The following TNFRSF1A variants were observed in gnomAD, a reference collection of about 807,000 sequenced individuals.
TNFRSF1A encodes TNF receptor superfamily member 1A.
TNFRSF1A carries 9 observed loss-of-function variants against 41.6 expected under a neutral mutation model. The observed-to-expected ratio is 0.22, with a 90% CI of 0.13 to 0.38. The LOEUF is 0.38. Ranked by LOEUF, TNFRSF1A falls within the 10% of genes least tolerant of loss-of-function variation. TNFRSF1A has a pLI of 1.00. For synonymous variants in TNFRSF1A, 254 were observed against 248.6 expected (o/e 1.02, Z -0.21); for missense variants, 463 against 591.5 (o/e 0.78, Z 2.25).
At chr12:6,330,114 C>T in intron 8 of TNFRSF1A, 48 bp from the exon 9 acceptor site, 8 of 1,612,492 alleles carry the variant, frequency 5.0e-6, no homozygotes, top group Admixed American at 3.3e-5. Flanking sequence ...CGAAAACCAG[C>T]CCCGGCCCTC....
chr12:6,329,616 T>C lies in TNFRSF1A; in HGVS notation c.1064A>G (p.Asp355Gly). ...AHKPQSLDTD[D>G]PATLYAVVEN... ...CACCACGGCGTACAGCGTCGCGGGG[T>C]CATCAGCTGCGGGGACGCGGGCCGG... Residue 355 changes from aspartate (D) to glycine (G), a missense_variant, in exon 10 of 10, where the codon GAC (aspartate) becomes GGC (glycine). Transcript: ENST00000162749. 2 of 1,593,732 alleles carry C rather than the reference T, an allele frequency of 1.3e-6. No homozygotes were observed. The highest frequency in any genetic ancestry group is 1.7e-6 in the Non-Finnish European group (2 of 1,174,338).
At chr12:6,339,538 A>G (rs1948161286) in intron 1 of TNFRSF1A, among the ~76,000 whole-genome samples, 1 of 152,070 alleles carries the variant, frequency 6.6e-6, no homozygotes, top group South Asian at 2.1e-4. Context: ...GAAGCTCCTG[A>G]ATTTTCTGGA....
rs4149629 is a variant in TNFRSF1A at position 6,337,074 on chromosome 12, C to A, written c.40-2830G>T. Among the ~76,000 whole-genome samples the A allele has an allele frequency of 2.0e-5, 3 of 152,216 alleles. No individual in the cohort carries two copies. Among genetic ancestry groups the A allele is most frequent in the Admixed American group, 6.5e-5 (1 of 15,286 alleles). On this transcript the variant is annotated intron_variant, in intron 1 of 9. Transcript: ENST00000162749. The surrounding 1 kb of genome is among the most constrained non-coding windows in gnomAD (Gnocchi z 4.6). The stretch of plus-strand genomic sequence containing the variant: ...CAAGAAGGGATGCCGGATGGAAGAA[C>A]CAGCCCTGCTTCCTAGGCTTCCCCT...
chr12:6,338,340 C>A (rs1279773850), intron 1 of TNFRSF1A, among the ~76,000 whole-genome samples: 1 of 152,104 alleles, frequency 6.6e-6, no homozygotes, highest in Non-Finnish European at 1.5e-5. Flanking sequence ...TGCGAGGCCT[C>A]CCCCTGTGAT....
In TNFRSF1A at chr12:6,334,904, G is replaced by A. The variant is rs1229448779; in HGVS notation, c.40-660C>T. Among the ~76,000 whole-genome samples the A allele has an allele frequency of 6.6e-6, 1 of 152,198 alleles. No homozygotes were observed. The highest frequency in any genetic ancestry group is 1.9e-4 in the East Asian group (1 of 5,198). On this transcript the variant is annotated intron_variant, in intron 1 of 9. Transcript: ENST00000162749. The surrounding 1 kb of genome is among the most constrained non-coding windows in gnomAD (Gnocchi z 5.1). ...GGAATTGGCAGGTTACTTCAGTGATGGCCCCTTCTTCCAACAAGCAGCCCT... is the reference window on the plus strand; with the variant it reads ...GGAATTGGCAGGTTACTTCAGTGATAGCCCCTTCTTCCAACAAGCAGCCCT...
rs776610155 is a variant in TNFRSF1A, at chr12:6,329,634, C to T, written c.1058-12G>A. The T allele has an allele frequency of 2.5e-6, 4 of 1,588,054 alleles. No individual in the cohort carries two copies. Among genetic ancestry groups the T allele is most frequent in the Non-Finnish European group, 3.4e-6 (4 of 1,170,278 alleles). ...CGCGGGGTCATCAGCTGCGGGGACGCGGGCCGGTGAGCCTCGGGCGGCAAC... is the reference window on the plus strand; with the variant it reads ...CGCGGGGTCATCAGCTGCGGGGACGTGGGCCGGTGAGCCTCGGGCGGCAAC... On this transcript the variant is annotated splice_polypyrimidine_tract_variant and intron_variant, in intron 9 of 9. Transcript: ENST00000162749.
Position 6,333,858 on chromosome 12 carries a change from G to A in TNFRSF1A, c.201C>T (p.Tyr67=). 1.2e-6 allele frequency: 2 copies of A among 1,602,320 alleles called. No homozygotes were observed. Among genetic ancestry groups the A allele is most frequent in the Non-Finnish European group, 1.7e-6 (2 of 1,173,876 alleles). Residue 67 remains tyrosine (Y), a synonymous_variant, in exon 3 of 10, where the codon TAC becomes TAT. Coordinates refer to ENST00000162749, the MANE Select transcript of TNFRSF1A (RefSeq NM_001065.4). The surrounding 1 kb of genome is among the most constrained non-coding windows in gnomAD (Gnocchi z 6.3). ...CCGGGCCTGGACAGTCATTGTACAAGTAGGTTCCTGTGAATGGGGCCGCAG... is the reference window on the plus strand; with the variant it reads ...CCGGGCCTGGACAGTCATTGTACAAATAGGTTCCTGTGAATGGGGCCGCAG... ...ICCTKCHKGT[Y]LYNDCPGPGQ... is the part of the protein sequence containing the mutation.
Position 6,333,352 on chromosome 12 carries a change from G to T in TNFRSF1A, c.472+15C>A, listed in dbSNP as rs746145597. 2 of 1,612,366 alleles carry T rather than the reference G, an allele frequency of 1.2e-6. No individual in the cohort carries two copies. Among genetic ancestry groups the T allele is most frequent in the Non-Finnish European group, 1.7e-6 (2 of 1,179,350 alleles). On this transcript the variant is annotated intron_variant, in intron 4 of 9. Transcript: ENST00000162749. The surrounding 1 kb of genome is among the most constrained non-coding windows in gnomAD (Gnocchi z 6.3). ...GGGTGGGGAGAGGGCTTGGCCTCAG[G>T]AGAGCTGCGCTCACAGGAGAGGTGC...
chr12:6,338,837 C>A (rs1948151861), intron 1 of TNFRSF1A, among the ~76,000 whole-genome samples: 1 of 152,110 alleles, frequency 6.6e-6, no homozygotes, highest in African/African-American at 2.4e-5. Context: ...GCTGTGTTGC[C>A]CAGGCTGGTC....
rs104895294 is a variant in TNFRSF1A at position 6,333,775 on chromosome 12, T to A, written c.284A>T (p.His95Leu). 1 of 1,577,444 alleles carries A rather than the reference T, an allele frequency of 6.3e-7. No homozygotes were observed. Among genetic ancestry groups the A allele is most frequent in the East Asian group, 2.3e-5 (1 of 43,102 alleles). ...ESGSFTASEN[H>L]LRHCLSCSKC... ...GGAGCAGCTGAGGCAGTGTCTGAGG[T>A]GGTTTTCTGAAGCGGTGAAGGAGCC... The change falls in exon 3 of 10, where the codon CAC (histidine) becomes CTC (leucine). Residue 95 changes from histidine to leucine, a missense_variant. Transcript: ENST00000162749. This position sits in a 1 kb window ranked among gnomAD's most constrained non-coding sequence, Gnocchi z 6.3.
chr12:6,335,095 C>T (rs965055669), intron 1 of TNFRSF1A, among the ~76,000 whole-genome samples: 5 of 152,104 alleles, frequency 3.3e-5, no homozygotes, highest in Admixed American at 6.6e-5. Flanking sequence ...GAGTGATGTT[C>T]CCGTGAGCAC....
At chr12:6,340,745 C>T (rs1017879842) in intron 1 of TNFRSF1A, among the ~76,000 whole-genome samples, 5 of 152,076 alleles carry the variant, frequency 3.3e-5, no homozygotes, top group African/African-American at 1.2e-4. Flanking sequence ...GGGAGGTAGG[C>T]GCAGCCTTCA....
Position 6,329,151 on chromosome 12 carries a change from C to T in TNFRSF1A, c.*161G>A, listed in dbSNP as rs201781762. ...CGCACAGCGCTGACTGTCGGCGGCG[C>T]GCAGGCAGCTGAGAAAAGCTATGTA... On this transcript the variant is annotated 3_prime_UTR_variant, in exon 10 of 10. Transcript: ENST00000162749. 1.7e-5 allele frequency: 11 copies of T among 656,844 alleles called. No individual in the cohort carries two copies. Among genetic ancestry groups the T allele is most frequent in the Non-Finnish European group, 2.5e-5 (11 of 436,308 alleles). The allele number at this position is 656,844 out of a possible 1,614,324, so 40.7% of individuals were successfully genotyped here. A position where few individuals can be genotyped will look rare whatever the true frequency, so the allele number is the denominator to read the frequency against.
At chr12:6,329,741 C>G (rs773274293) in intron 9 of TNFRSF1A, 37 bp downstream of exon 9, 14 of 1,578,622 alleles carry the variant, frequency 8.9e-6, no homozygotes, top group Middle Eastern at 2.2e-4. Flanking sequence ...CCGGCCCTCC[C>G]CCAGCCTCCT....
In TNFRSF1A at chr12:6,329,139, C is replaced by T; in HGVS notation, c.*173G>A. The T allele has an allele frequency of 1.7e-6, 1 of 598,976 alleles. No homozygotes were observed. The highest frequency in any genetic ancestry group is 2.6e-6 in the Non-Finnish European group (1 of 386,206). The allele number at this position is 598,976 out of a possible 1,614,324, so 37.1% of individuals were successfully genotyped here. ...CCTCTCTCCGCGCGCACAGCGCTGA[C>T]TGTCGGCGGCGCGCAGGCAGCTGAG... is the stretch of plus-strand genomic sequence containing the variant. On this transcript the variant is annotated 3_prime_UTR_variant, in exon 10 of 10. Coordinates refer to ENST00000162749, the MANE Select transcript of TNFRSF1A (RefSeq NM_001065.4).
chr12:6,332,270 T>G (rs553647235), intron 5 of TNFRSF1A, among the ~76,000 whole-genome samples: 17 of 151,730 alleles, frequency 1.1e-4, no homozygotes, highest in Admixed American at 1.1e-3. Flanking sequence ...TAGGACCCTG[T>G]CTCTACAAAA....
chr12:6,330,843 TTC>T lies in TNFRSF1A; in HGVS notation c.625+8_625+9del, dbSNP rs1440294760. On this transcript the variant is annotated splice_region_variant and intron_variant, in intron 6 of 9. Coordinates refer to ENST00000162749, the MANE Select transcript of TNFRSF1A (RefSeq NM_001065.4). ...CAGGTGAGCATGGGCACCAGGTCAC[TTC>T]TCCTCACCTGAGTCCTCAGTGCCCT... The T allele has an allele frequency of 1.9e-6, 3 of 1,612,844 alleles. No individual in the cohort carries two copies. In the African/African-American group the frequency reaches 4.0e-5, roughly 22 times the overall value.
intron 1 of TNFRSF1A, among the ~76,000 whole-genome samples, chr12:6,336,077 G>C (rs1426021756): frequency 2.0e-5 from 3 of 152,208 alleles, no homozygotes; most frequent in Admixed American, 1.3e-4. Context: ...TTTCCCCGAA[G>C]AAGCCACTGG....
In TNFRSF1A at chr12:6,333,238, G is replaced by T. The variant is rs756987699; in HGVS notation, c.473-91C>A. On this transcript the variant is annotated intron_variant, in intron 4 of 9. Coordinates refer to ENST00000162749, the MANE Select transcript of TNFRSF1A (RefSeq NM_001065.4). The surrounding 1 kb of genome is among the most constrained non-coding windows in gnomAD (Gnocchi z 6.3). ...AAGTGACGAGGGACAGGGTGGGGGC[G>T]GCCAGAGAGGAGTTGGTTGTCAGAC... 30 of 1,546,978 alleles carry T rather than the reference G, an allele frequency of 1.9e-5. No homozygotes were observed. The Middle Eastern group carries it at 1.3e-3, about 69-fold the overall frequency.
Sources: allele counts gnomAD v4.1 joint callset (sites outside exome capture counted in the v4.1 genomes callset), GRCh38; gene constraint gnomAD v4.1.1; non-coding constraint Gnocchi (gnomAD v3.1); transcripts MANE v1.5; gene names NCBI Gene and HGNC (gene_info 2026-07-23, HGNC 2026-07-21).